TAOK3: variants seen among roughly 807,000 people sequenced by gnomAD.
The protein encoded by TAOK3 is serine/threonine-protein kinase TAO3.
In TAOK3, 40 loss-of-function variants were observed where a neutral mutation model predicts 120.4. The observed-to-expected ratio is 0.33, with a 90% CI of 0.26 to 0.43. TAOK3 has a LOEUF of 0.43. TAOK3 is among the 20% of genes least tolerant of loss of function. The pLI is 1.00. For missense variants in TAOK3, 821 were observed against 1,112.1 expected (o/e 0.74, Z 3.72); for synonymous variants, 355 against 387.5 (o/e 0.92, Z 0.99).
intron 7 of TAOK3, 122 bp from the exon 8 acceptor site, chr12:118,235,793 AC>A (rs1302704363): frequency 7.8e-6 from 5 of 639,926 alleles, no homozygotes; most frequent in Non-Finnish European, 1.3e-5. Context: ...AACAAAACAA[AC>A]CTTGCTCAGA....
intron 17 of TAOK3, among the ~76,000 whole-genome samples, chr12:118,168,957 TTTCCTTCCTTCCTTCCTTCCTTCCTTCC>T (rs150570843): frequency 1.4e-5 from 2 of 147,672 alleles, no homozygotes; most frequent in Admixed American, 6.8e-5. Flanking sequence ...GCTTGCTTGC[TTTCCTTCCTTCCTTCCTTCCTTCCTTCC>T]TTCCTTCCTT....
At chr12:118,364,757 TAG>T (rs1361266079) in intron 1 of TAOK3, among the ~76,000 whole-genome samples, 2 of 151,872 alleles carry the variant, frequency 1.3e-5, no homozygotes, top group Non-Finnish European at 2.9e-5. Flanking sequence ...ATACAAAAAT[TAG>T]CCAGGCATGG....
At chr12:118,277,708 C>T (rs568946613) in intron 1 of TAOK3, among the ~76,000 whole-genome samples, 2 of 152,084 alleles carry the variant, frequency 1.3e-5, no homozygotes, top group East Asian at 1.9e-4. Flanking sequence ...ATCCACCCAC[C>T]CCGATCTCCC....
At chr12:118,337,819 T>C (rs1275981032) in intron 1 of TAOK3, among the ~76,000 whole-genome samples, 1 of 152,236 alleles carries the variant, frequency 6.6e-6, no homozygotes, top group Non-Finnish European at 1.5e-5. Flanking sequence ...TGATAACACT[T>C]CTTCAATCTT....
At chr12:118,217,609 G>A (rs1448693663) in intron 9 of TAOK3, among the ~76,000 whole-genome samples, 9 of 151,042 alleles carry the variant, frequency 6.0e-5, no homozygotes, top group South Asian at 2.1e-4. Context: ...ACTTGAACCC[G>A]GGAGGCGGAG....
intron 1 of TAOK3, among the ~76,000 whole-genome samples, chr12:118,306,858 A>T (rs2043071171): frequency 6.6e-6 from 1 of 152,206 alleles, no homozygotes; most frequent in Non-Finnish European, 1.5e-5. Flanking sequence ...TGAAGAAAAT[A>T]GTCTATCACT....
chr12:118,234,212 A>ATTTTTTTTTTTTTTTT lies in TAOK3; in HGVS notation c.552-463_552-448dup, dbSNP rs763473530. Among the ~76,000 whole-genome samples the ATTTTTTTTTTTTTTTT allele has an allele frequency of 3.9e-3, 228 of 58,334 alleles. 39 individuals carry two copies. Among genetic ancestry groups the ATTTTTTTTTTTTTTTT allele is most frequent in the Non-Finnish European group, 4.8e-3 (157 of 32,398 alleles). 38.3% of individuals were successfully genotyped at this position (58,334 alleles called of 152,430 possible). A position where few individuals can be genotyped will look rare whatever the true frequency, so the allele number is the denominator to read the frequency against. ...TTAAAGTAATTAAATAAAGCAGGAA[A>ATTTTTTTTTTTTTTTT]TTTTTTTTTTTTTTTTTTTTTTTTT... On this transcript the variant is annotated intron_variant, in intron 8 of 20. Coordinates refer to ENST00000392533, the MANE Select transcript of TAOK3 (RefSeq NM_016281.4).
intron 14 of TAOK3, among the ~76,000 whole-genome samples, chr12:118,188,488 T>C (rs1162408019): frequency 2.0e-5 from 3 of 152,228 alleles, no homozygotes; most frequent in African/African-American, 7.2e-5. Context: ...AAGAAACTTC[T>C]ACATAAAGGA....
intron 1 of TAOK3, among the ~76,000 whole-genome samples, chr12:118,325,509 G>A (rs2043900686): frequency 6.6e-6 from 1 of 151,884 alleles, no homozygotes; most frequent in Non-Finnish European, 1.5e-5. Flanking sequence ...TATACCTGTT[G>A]GCCATTTTTA....
intron 19 of TAOK3, chr12:118,152,712 TCCA>T: frequency 3.4e-6 from 1 of 291,554 alleles, no homozygotes; most frequent in Non-Finnish European, 6.5e-6. Context: ...AGCTACACCA[TCCA>T]CTTTGTGTGT....
At chr12:118,211,019 G>C (rs1390490718) in intron 11 of TAOK3, among the ~76,000 whole-genome samples, 2 of 152,150 alleles carry the variant, frequency 1.3e-5, no homozygotes, top group African/African-American at 4.8e-5. Flanking sequence ...TTACGGGCAT[G>C]AGCCGCCACG....
intron 1 of TAOK3, among the ~76,000 whole-genome samples, chr12:118,270,544 A>C (rs1285682186): frequency 6.6e-6 from 1 of 152,156 alleles, no homozygotes; most frequent in East Asian, 1.9e-4. Context: ...GGAAAAAATA[A>C]ATTCCATTCA....
intron 9 of TAOK3, among the ~76,000 whole-genome samples, chr12:118,225,864 T>G (rs2039477612): frequency 6.6e-6 from 1 of 152,270 alleles, no homozygotes; most frequent in East Asian, 1.9e-4. Flanking sequence ...TTTTTTTTGT[T>G]GTAGGAACAT....
At chr12:118,298,947 A>G (rs2042778202) in intron 1 of TAOK3, among the ~76,000 whole-genome samples, 1 of 152,206 alleles carries the variant, frequency 6.6e-6, no homozygotes, top group African/African-American at 2.4e-5. Flanking sequence ...CCCATAATCT[A>G]TATCCTGGAA....
chr12:118,340,019 A>G (rs539297448), intron 1 of TAOK3, among the ~76,000 whole-genome samples: 2 of 152,308 alleles, frequency 1.3e-5, no homozygotes, highest in African/African-American at 4.8e-5. Context: ...CATTCCTGCT[A>G]CTGAGGAATT....
chr12:118,290,509 C>T (rs1208452292), intron 1 of TAOK3, among the ~76,000 whole-genome samples: 3 of 152,164 alleles, frequency 2.0e-5, no homozygotes, highest in Non-Finnish European at 4.4e-5. Context: ...CAGGACTTCA[C>T]CACACAAGAT....
chr12:118,253,251 G>A (rs1048814520), intron 3 of TAOK3, among the ~76,000 whole-genome samples: 13 of 152,114 alleles, frequency 8.5e-5, no homozygotes, highest in African/African-American at 3.1e-4. Context: ...ATCTCATTTG[G>A]AAGGACAACT....
chr12:118,196,222 G>A (rs2139190174), intron 13 of TAOK3, among the ~76,000 whole-genome samples: 1 of 152,210 alleles, frequency 6.6e-6, no homozygotes. Context: ...TTTGCATTTT[G>A]GGGGCTTGAT....
At chr12:118,362,175 T>C (rs1349659924) in intron 1 of TAOK3, among the ~76,000 whole-genome samples, 1 of 152,074 alleles carries the variant, frequency 6.6e-6, no homozygotes, top group Non-Finnish European at 1.5e-5. Context: ...ATACAGCAAT[T>C]AATAAAACAA....
Sources: gnomAD v4.1 joint callset for allele counts (sites outside exome capture counted in the v4.1 genomes callset) on GRCh38, gnomAD v4.1.1 for gene constraint, MANE v1.5 for transcripts, NCBI Gene and HGNC (gene_info 2026-07-23, HGNC 2026-07-21) for gene names.